UTY: variants seen among roughly 807,000 people sequenced by gnomAD.
The protein encoded by UTY is ubiquitously transcribed tetratricopeptide repeat containing, Y-linked.
Under a neutral mutation model 32.5 loss-of-function variants are expected in UTY, and 12 were observed. That is an observed-to-expected ratio of 0.37 (90% CI 0.24 to 0.60). The LOEUF is 0.60. Among genes scored for constraint, UTY ranks in the 20% least tolerant of loss-of-function variants. The probability of loss-of-function intolerance (pLI) is 0.69; values close to 1 mark genes in which losing one functional copy is unlikely to be tolerated. For synonymous variants in UTY, 131 were observed against 103.4 expected (o/e 1.27, Z -1.62); for missense variants, 303 against 299.2 (o/e 1.01, Z -0.09).
intron 17 of UTY, among the ~76,000 whole-genome samples, chrY:13,338,038 T>C (rs2149065162): frequency 1.5e-4 from 3 of 20,658 alleles, no homozygotes; most frequent in African/African-American, 6.0e-4. Flanking sequence ...TTTTTTGAGA[T>C]ACAGTGTTGC....
intron 17 of UTY, among the ~76,000 whole-genome samples, chrY:13,340,650 C>G: frequency 3.0e-5 from 1 of 33,514 alleles, no homozygotes; most frequent in East Asian, 8.0e-4. Flanking sequence ...AGGGGGCGAA[C>G]AGCTCTTCGT....
At chrY:13,369,919 G>A (rs2064708951) in intron 8 of UTY, among the ~76,000 whole-genome samples, 1 of 33,621 alleles carries the variant, frequency 3.0e-5, no homozygotes, top group Admixed American at 2.7e-4. Context: ...TTAGCAAAAA[G>A]TACAGAATCA....
At chrY:13,459,479 C>T in intron 3 of UTY, among the ~76,000 whole-genome samples, 1 of 32,760 alleles carries the variant, frequency 3.1e-5, no homozygotes, top group African/African-American at 1.2e-4. Context: ...TAACTATTAC[C>T]AATCTCCTTC....
intron 4 of UTY, among the ~76,000 whole-genome samples, chrY:13,441,963 G>A: frequency 2.9e-5 from 1 of 33,990 alleles, no homozygotes; most frequent in Non-Finnish European, 7.3e-5. Context: ...ACAGATTGCA[G>A]AGAGAATAAT....
chrY:13,328,425 G>A (rs530680222), intron 18 of UTY, among the ~76,000 whole-genome samples: 81 of 33,571 alleles, frequency 2.4e-3, no homozygotes, highest in African/African-American at 8.7e-3. Context: ...GGCATGAGCA[G>A]AAGAGTCATG....
intron 4 of UTY, among the ~76,000 whole-genome samples, chrY:13,430,124 C>T: frequency 3.0e-5 from 1 of 33,889 alleles, no homozygotes; most frequent in Admixed American, 2.6e-4. Flanking sequence ...TTTTGCTAGT[C>T]TTTTGTAGAG....
intron 28 of UTY, among the ~76,000 whole-genome samples, chrY:13,252,036 C>T (rs2054212918): frequency 1.0e-4 from 3 of 29,457 alleles, no homozygotes; most frequent in Admixed American, 9.2e-4. Flanking sequence ...AAAAATTAGC[C>T]GGGCGTAGTG....
chrY:13,346,284 A>G (rs2061889183), intron 17 of UTY, among the ~76,000 whole-genome samples: 1 of 33,485 alleles, frequency 3.0e-5, no homozygotes, highest in Non-Finnish European at 7.4e-5. Context: ...TTGATCAGGA[A>G]AGAGCACTCC....
At chrY:13,275,717 C>T in intron 27 of UTY, among the ~76,000 whole-genome samples, 1 of 33,273 alleles carries the variant, frequency 3.0e-5, no homozygotes, top group Non-Finnish European at 7.4e-5. Context: ...CTAATGTTTT[C>T]TCTCTCTCAG....
chrY:13,468,180 G>A (rs2078088636), intron 3 of UTY, among the ~76,000 whole-genome samples: 1 of 32,191 alleles, frequency 3.1e-5, no homozygotes, highest in Non-Finnish European at 7.6e-5. Context: ...GCTGAGGCAT[G>A]AGAATCGCTT....
intron 8 of UTY, among the ~76,000 whole-genome samples, chrY:13,380,681 A>G (rs2066030595): frequency 3.0e-5 from 1 of 33,031 alleles, no homozygotes; most frequent in African/African-American, 1.2e-4. Flanking sequence ...AAATCAAGAT[A>G]AAGAAAAATA....
At chrY:13,331,673 T>C in intron 18 of UTY, among the ~76,000 whole-genome samples, 1 of 33,197 alleles carries the variant, frequency 3.0e-5, no homozygotes, top group African/African-American at 1.2e-4. Context: ...TGATAAAAGA[T>C]TACAGGAAAT....
intron 5 of UTY, among the ~76,000 whole-genome samples, chrY:13,413,211 A>G (rs2071174573): frequency 2.9e-5 from 1 of 33,902 alleles, no homozygotes. Flanking sequence ...GTTCCTCAGT[A>G]AAACTTTTCT....
chrY:13,263,840 TA>T (rs2055491036), intron 27 of UTY, among the ~76,000 whole-genome samples: 1 of 33,723 alleles, frequency 3.0e-5, no homozygotes, highest in Non-Finnish European at 7.4e-5. Flanking sequence ...GCTGGCTGGT[TA>T]CATAGGTACA....
At chrY:13,421,811 G>T in intron 4 of UTY, among the ~76,000 whole-genome samples, 3 of 32,803 alleles carry the variant, frequency 9.1e-5, no homozygotes, top group Non-Finnish European at 2.3e-4. Context: ...ATAACTATTG[G>T]GTACCAGGCT....
chrY:13,335,953 T>C lies in UTY; in HGVS notation c.2444A>G (p.Asn815Ser). ...VSSPNHGDSPNLLIADNPQLS... is the reference protein window; with the variant it reads ...VSSPNHGDSPSLLIADNPQLS... ...CTGAGGATTGTCTGCAATTAATAAA[T>C]TTGGTGAATCTCCATGGTTAGGACT... Residue 815 changes from asparagine (N) to serine (S), a missense_variant, in exon 18 of 30, where the codon AAT becomes AGT. By Grantham distance (46) the Asn-to-Ser change is conservative. Transcript: ENST00000545955. 7 of 399,003 alleles carry C rather than the reference T, an allele frequency of 1.8e-5. No individual in the cohort carries two copies. The highest frequency in any genetic ancestry group is 2.5e-5 in the Non-Finnish European group (7 of 283,703).
Position 13,361,266 on chromosome Y carries a change from A to G in UTY, c.867-738T>C, listed in dbSNP as rs772090210. 1.5e-4 allele frequency among the ~76,000 whole-genome samples: 5 copies of G among 33,703 alleles called. No homozygotes were observed. The East Asian group carries it at 3.9e-3, about 26-fold the overall frequency. The allele number at this position is 33,703 out of a possible 37,273, so 90.4% of individuals were successfully genotyped here. A position where few individuals can be genotyped will look rare whatever the true frequency, so the allele number is the denominator to read the frequency against. On this transcript the variant is annotated intron_variant, in intron 10 of 29. Transcript: ENST00000545955. Reference sequence around the variant, plus strand: ...ACCACAGATTAAAACAGAAAACATGAGAAGAGGCATTTCGTATAGGTTTGA... The same window carrying G: ...ACCACAGATTAAAACAGAAAACATGGGAAGAGGCATTTCGTATAGGTTTGA...
At chrY:13,472,961 A>G in intron 2 of UTY, among the ~76,000 whole-genome samples, 1 of 34,146 alleles carries the variant, frequency 2.9e-5, no homozygotes, top group Non-Finnish European at 7.3e-5. Flanking sequence ...TGGGAGAATA[A>G]AATAACTATC....
chrY:13,278,855 A>T, intron 27 of UTY, among the ~76,000 whole-genome samples: 1 of 33,602 alleles, frequency 3.0e-5, no homozygotes, highest in Non-Finnish European at 7.4e-5. Context: ...TCCTGGCTGC[A>T]TTCACCATCT....
Sources: allele counts gnomAD v4.1 joint callset (sites outside exome capture counted in the v4.1 genomes callset), GRCh38; gene constraint gnomAD v4.1.1; transcripts MANE v1.5; gene names NCBI Gene and HGNC (gene_info 2026-07-23, HGNC 2026-07-21).